TSPAN1: variants seen among roughly 807,000 people sequenced by gnomAD.
The protein encoded by TSPAN1 is tetraspanin-1.
A neutral mutation model predicts 26.9 loss-of-function variants in TSPAN1; 23 were observed. That is an observed-to-expected ratio of 0.85 (90% CI 0.62 to 1.21). The LOEUF (loss-of-function observed/expected upper bound fraction) is 1.21, where lower values mean the gene tolerates loss of function less well. Ranked by LOEUF, TSPAN1 falls within the 50% of genes most tolerant of loss-of-function variation. The pLI is 0.00. For missense variants in TSPAN1, 283 were observed against 298.4 expected, an observed-to-expected ratio of 0.95 and a Z score of 0.38; for synonymous variants, 115 against 114.8, an observed-to-expected ratio of 1.00 and a Z score of -0.01.
intron 3 of TSPAN1, among the ~76,000 whole-genome samples, chr1:46,181,713 C>T (rs533858697): frequency 2.0e-4 from 31 of 152,232 alleles, no homozygotes; most frequent in Admixed American, 1.0e-3. Context: ...ATCTCAGCTC[C>T]GATAAGCCAG....
At chr1:46,189,289 C>T (rs1311561637), downstream of TSPAN1, 4 of 1,613,696 alleles carry the variant, frequency 2.5e-6, no homozygotes, top group South Asian at 4.4e-5. Context: ...TTCTGGGGCT[C>T]CTGGGGCTCC....
At chr1:46,193,815 C>T in the TSPAN1 span, 1 of 1,612,392 alleles carries the variant, frequency 6.2e-7, no homozygotes, top group Non-Finnish European at 8.5e-7. Context: ...CCTAAGCACC[C>T]TCCTGTTCAG....
chr1:46,180,709 A>T (rs531994743), intron 2 of TSPAN1, 51 bp downstream of exon 2: 12 of 212,084 alleles, frequency 5.7e-5, no homozygotes, highest in African/African-American at 2.5e-4. Flanking sequence ...CGATCTGGAA[A>T]CAGGTCTGGG....
the TSPAN1 span, chr1:46,193,544 A>AC: frequency 2.5e-6 from 4 of 1,613,682 alleles, no homozygotes; most frequent in African/African-American, 1.3e-5. Context: ...CACCCGAGGC[A>AC]CCCCCCAAGT....
the TSPAN1 span, chr1:46,192,943 C>T: frequency 6.2e-7 from 1 of 1,614,216 alleles, no homozygotes; most frequent in Non-Finnish European, 8.5e-7. Context: ...TCCAGAACCA[C>T]AGCAAACTTG....
downstream of TSPAN1, chr1:46,189,114 G>A (rs770263857): frequency 2.0e-6 from 3 of 1,495,674 alleles, no homozygotes; most frequent in African/African-American, 1.4e-5. Context: ...GTTGGAGCAG[G>A]GGAACCCTCC....
At chr1:46,185,406 G>T (rs1357623107) in intron 8 of TSPAN1, 80 bp from the exon 9 acceptor site, 6 of 1,607,932 alleles carry the variant, frequency 3.7e-6, no homozygotes, top group Non-Finnish European at 5.1e-6. Flanking sequence ...TTCTAACTGG[G>T]CCTCAGGTAG....
In TSPAN1 at chr1:46,185,515, G is replaced by C. The variant is rs1187588600; in HGVS notation, c.708G>C (p.Leu236=). The change falls in exon 9 of 9, where the codon CTG becomes CTC. Residue 236 remains leucine (L), a synonymous_variant. Coordinates refer to ENST00000372003, the MANE Select transcript of TSPAN1 (RefSeq NM_005727.4). ...ELAAMIVSMY[L]YCNLQ Reference sequence around the variant, plus strand: ...CTGCCATGATTGTGTCCATGTATCTGTACTGCAATCTACAATAAGTCCACT... The same window carrying C: ...CTGCCATGATTGTGTCCATGTATCTCTACTGCAATCTACAATAAGTCCACT... The C allele has an allele frequency of 1.2e-6, 2 of 1,614,208 alleles. No individual in the cohort carries two copies. Among genetic ancestry groups the C allele is most frequent in the Non-Finnish European group, 1.7e-6 (2 of 1,180,042 alleles).
chr1:46,192,422 C>A, the TSPAN1 span: 1 of 1,614,138 alleles, frequency 6.2e-7, no homozygotes. Context: ...GGTCCTCAGC[C>A]GTGTGTTCAT....
chr1:46,178,678 A>C (rs200854792), intron 1 of TSPAN1, among the ~76,000 whole-genome samples: 1 of 152,172 alleles, frequency 6.6e-6, no homozygotes, highest in East Asian at 1.9e-4. Context: ...TCTTTATGGA[A>C]GCCAGCCTTG....
downstream of TSPAN1, chr1:46,189,681 G>A: frequency 6.5e-7 from 1 of 1,543,712 alleles, no homozygotes; most frequent in Non-Finnish European, 8.8e-7. Context: ...CAATTTGTAA[G>A]AGATAGCATC....
chr1:46,186,337 C>T (rs1215389704), downstream of TSPAN1, among the ~76,000 whole-genome samples: 2 of 152,072 alleles, frequency 1.3e-5, no homozygotes, highest in Non-Finnish European at 2.9e-5. Context: ...CTTCAGGAGC[C>T]CCCTTCCTAG....
At chr1:46,182,172 A>T (rs1245002540) in intron 3 of TSPAN1, among the ~76,000 whole-genome samples, 2 of 151,690 alleles carry the variant, frequency 1.3e-5, no homozygotes, top group African/African-American at 4.8e-5. Flanking sequence ...TACCCAGTGG[A>T]GGTGCAGCTC....
chr1:46,184,519 C>T (rs987651724), intron 4 of TSPAN1, 75 bp from the exon 5 acceptor site: 49 of 1,561,418 alleles, frequency 3.1e-5, no homozygotes, highest in Middle Eastern at 1.8e-4. Context: ...CTCACTTTTC[C>T]GGGGGGGGGA....
downstream of TSPAN1, among the ~76,000 whole-genome samples, chr1:46,187,936 G>A (rs1434075587): frequency 6.6e-6 from 1 of 152,170 alleles, no homozygotes; most frequent in African/African-American, 2.4e-5. Context: ...TACAGAGGCA[G>A]GCAGACCCTT....
the TSPAN1 span, chr1:46,192,976 C>T: frequency 8.7e-6 from 14 of 1,614,020 alleles, no homozygotes. Context: ...GGGAATGGGA[C>T]ATCATGGTCC....
chr1:46,190,881 T>C, downstream of TSPAN1: 2 of 1,166,612 alleles, frequency 1.7e-6, no homozygotes, highest in African/African-American at 1.5e-5. Flanking sequence ...ACAAATGAAG[T>C]CCTAGACCTG....
Position 46,185,322 on chromosome 1 carries a change from G to A in TSPAN1, c.678+14G>A, listed in dbSNP as rs772128793. 2 of 1,613,910 alleles carry A rather than the reference G, an allele frequency of 1.2e-6. No individual in the cohort carries two copies. The highest frequency in any genetic ancestry group is 2.2e-5 in the South Asian group (2 of 91,064). On this transcript the variant is annotated intron_variant, in intron 8 of 8. Coordinates refer to ENST00000372003, the MANE Select transcript of TSPAN1 (RefSeq NM_005727.4). ...GGGGGCCTCGAGGTAAGCAGATGAG[G>A]AGGCTGGGACTGGGACATGGGCATG...
the TSPAN1 span, chr1:46,192,993 G>A: frequency 1.2e-6 from 2 of 1,612,768 alleles, no homozygotes; most frequent in East Asian, 2.2e-5. Context: ...GTCCCAAAGG[G>A]GTCTCTCCAT....
Sources: gnomAD v4.1 joint callset for allele counts (sites outside exome capture counted in the v4.1 genomes callset) on GRCh38, gnomAD v4.1.1 for gene constraint, MANE v1.5 for transcripts, NCBI Gene and HGNC (gene_info 2026-07-23, HGNC 2026-07-21) for gene names.